RIN2: variants seen among roughly 807,000 people sequenced by gnomAD.
RIN2 encodes Ras and Rab interactor 2.
RIN2 carries 36 observed loss-of-function variants against 78.0 expected under a neutral mutation model. The observed-to-expected ratio is 0.46, with a 90% CI of 0.35 to 0.61. The LOEUF is 0.61. RIN2 is among the 20% of genes least tolerant of loss of function. The pLI, the probability that RIN2 is intolerant of heterozygous loss-of-function variation, is 0.00. For synonymous variants in RIN2, 466 were observed against 466.8 expected, an observed-to-expected ratio of 1.00 and a Z score of 0.02; for missense variants, 1,087 against 1,159.7, an observed-to-expected ratio of 0.94 and a Z score of 0.91.
chr20:19,958,278 G>C (rs748057967), intron 5 of RIN2, among the ~76,000 whole-genome samples: 2 of 152,240 alleles, frequency 1.3e-5, no homozygotes, highest in Non-Finnish European at 2.9e-5. Context: ...TGTTCTATAG[G>C]ATCAGGATTT....
chr20:19,851,111 G>A (rs1568815339), intron 2 of RIN2, among the ~76,000 whole-genome samples: 1 of 151,898 alleles, frequency 6.6e-6, no homozygotes, highest in East Asian at 1.9e-4. Flanking sequence ...GAGAAGAGAA[G>A]AGAAAGAAAA....
intron 8 of RIN2, among the ~76,000 whole-genome samples, chr20:19,973,245 G>C (rs902451822): frequency 6.6e-6 from 1 of 152,176 alleles, no homozygotes; most frequent in Non-Finnish European, 1.5e-5. Flanking sequence ...TGACTTCCTC[G>C]GTTGTACTAG....
At chr20:19,899,373 C>T (rs1018056973) in intron 3 of RIN2, among the ~76,000 whole-genome samples, 2 of 152,162 alleles carry the variant, frequency 1.3e-5, no homozygotes, top group African/African-American at 4.8e-5. Flanking sequence ...AATAATTTCC[C>T]AGCATAAAAT....
intron 1 of RIN2, among the ~76,000 whole-genome samples, chr20:19,790,107 C>T (rs1033774981): frequency 1.3e-5 from 2 of 152,102 alleles, no homozygotes; most frequent in Non-Finnish European, 2.9e-5. Context: ...CCTCTATAGA[C>T]CATCATTTCC....
chr20:19,874,085 T>TG (rs56070834), intron 2 of RIN2, among the ~76,000 whole-genome samples: 17,485 of 150,884 alleles, frequency 0.12, 1,189 homozygotes, highest in East Asian at 0.26. Flanking sequence ...TGTGTGTGTG[T>TG]TTGTGTGTGT....
chr20:19,800,765 A>G (rs1161947790), intron 2 of RIN2, among the ~76,000 whole-genome samples: 1 of 152,206 alleles, frequency 6.6e-6, no homozygotes, highest in African/African-American at 2.4e-5. Flanking sequence ...AGCAAAATAA[A>G]CATTGTTGTT....
chr20:19,922,454 G>GT (rs1264755843), intron 3 of RIN2, among the ~76,000 whole-genome samples: 1 of 152,116 alleles, frequency 6.6e-6, no homozygotes, highest in Non-Finnish European at 1.5e-5. Flanking sequence ...GCAGCCTGAT[G>GT]TTTCTAGGGA....
intron 2 of RIN2, among the ~76,000 whole-genome samples, chr20:19,853,187 C>G (rs548290494): frequency 6.6e-6 from 1 of 151,972 alleles, no homozygotes; most frequent in Non-Finnish European, 1.5e-5. Context: ...CCAGCTTCAT[C>G]CATGTCCCTA....
intron 1 of RIN2, among the ~76,000 whole-genome samples, chr20:19,771,037 G>A (rs2034100866): frequency 6.6e-6 from 1 of 152,226 alleles, no homozygotes; most frequent in Non-Finnish European, 1.5e-5. Context: ...TTGGATTATT[G>A]TAAAGGATAT....
intron 1 of RIN2, among the ~76,000 whole-genome samples, chr20:19,777,916 A>AATC (rs2034368039): frequency 6.6e-6 from 1 of 152,254 alleles, no homozygotes; most frequent in Admixed American, 6.5e-5. Flanking sequence ...GTGTGATTAC[A>AATC]ATCAACACAT....
At chr20:19,946,304 G>T (rs1437102117) in intron 4 of RIN2, among the ~76,000 whole-genome samples, 1 of 152,150 alleles carries the variant, frequency 6.6e-6, no homozygotes, top group East Asian at 1.9e-4. Flanking sequence ...AAGGGATGAG[G>T]ATTTGAACCC....
At chr20:19,861,382 C>A (rs982430420) in intron 2 of RIN2, among the ~76,000 whole-genome samples, 1 of 152,206 alleles carries the variant, frequency 6.6e-6, no homozygotes, top group African/African-American at 2.4e-5. Flanking sequence ...CTTGGCTTGA[C>A]GAAACTTTAG....
intron 3 of RIN2, among the ~76,000 whole-genome samples, chr20:19,913,106 C>T (rs1392568318): frequency 6.6e-6 from 1 of 152,180 alleles, no homozygotes; most frequent in African/African-American, 2.4e-5. Flanking sequence ...ATCATTTTCT[C>T]AAGAGAAGGT....
rs375395451 is a variant in RIN2 at position 20,000,777 on chromosome 20, A to G, written c.2529A>G (p.Thr843=). The stretch of plus-strand genomic sequence containing the variant: ...GCCTCTTTCTCTTCGTTGACGAGAC[A>G]TGGCAGCAGCTGGCAGAGGACACTT... ...EYSLFLFVDE[T]WQQLAEDTYP... The change falls in exon 13 of 13, where the codon ACA becomes ACG. Residue 843 remains threonine (T), a synonymous_variant. Coordinates refer to ENST00000255006, the MANE Select transcript of RIN2 (RefSeq NM_018993.4). 1.2e-6 allele frequency: 2 copies of G among 1,614,024 alleles called. No homozygotes were observed. Among genetic ancestry groups the G allele is most frequent in the Non-Finnish European group, 8.5e-7 (1 of 1,179,898 alleles).
intron 3 of RIN2, among the ~76,000 whole-genome samples, chr20:19,915,833 T>C (rs767439095): frequency 5.9e-5 from 9 of 152,214 alleles, no homozygotes; most frequent in Non-Finnish European, 1.0e-4. Flanking sequence ...TTTTTTGTCA[T>C]TTTCTGTTTC....
chr20:19,777,001 A>G (rs2034334588), intron 1 of RIN2, among the ~76,000 whole-genome samples: 1 of 152,154 alleles, frequency 6.6e-6, no homozygotes, highest in Admixed American at 6.5e-5. Context: ...AAATCTCTTC[A>G]TATATTTTAC....
At chr20:19,859,774 A>T in intron 2 of RIN2, among the ~76,000 whole-genome samples, 1 of 152,160 alleles carries the variant, frequency 6.6e-6, no homozygotes, top group Non-Finnish European at 1.5e-5. Flanking sequence ...AATTCAGCTC[A>T]TTATCTTTTC....
intron 2 of RIN2, among the ~76,000 whole-genome samples, chr20:19,882,719 G>A (rs2038061740): frequency 1.3e-5 from 2 of 152,140 alleles, no homozygotes; most frequent in Admixed American, 1.3e-4. Context: ...TTCGAGTGAG[G>A]AGGTTTGGAA....
intron 2 of RIN2, among the ~76,000 whole-genome samples, chr20:19,835,023 A>T (rs537745051): frequency 1.4e-4 from 22 of 152,150 alleles, no homozygotes; most frequent in African/African-American, 5.3e-4. Flanking sequence ...AAAGAGAGAG[A>T]GAAAAAAGAG....
Sources: allele counts gnomAD v4.1 joint callset (sites outside exome capture counted in the v4.1 genomes callset), GRCh38; gene constraint gnomAD v4.1.1; transcripts MANE v1.5; gene names NCBI Gene and HGNC (gene_info 2026-07-23, HGNC 2026-07-21).